Variants in DHX35 observed in about 807,000 individuals in gnomAD.
DHX35 encodes the protein probable ATP-dependent RNA helicase DHX35.
In DHX35, 84 loss-of-function variants were observed where a neutral mutation model predicts 99.6. The ratio of observed to expected loss-of-function variants is 0.84; its 90% CI spans 0.71 to 1.01. The LOEUF (loss-of-function observed/expected upper bound fraction) is 1.01, where lower values mean the gene tolerates loss of function less well. DHX35 is among the 50% of genes least tolerant of loss of function. DHX35 has a pLI of 0.00. For synonymous variants in DHX35, 331 were observed against 316.2 expected (o/e 1.05, Z -0.50); for missense variants, 852 against 888.5 (o/e 0.96, Z 0.52).
At chr20:38,970,616 T>G (rs1162763011) in intron 2 of DHX35, among the ~76,000 whole-genome samples, 1 of 152,208 alleles carries the variant, frequency 6.6e-6, no homozygotes, top group African/African-American at 2.4e-5. Context: ...ATTCTGAGCT[T>G]CTTTTCTTTA....
At chr20:38,975,470 A>G (rs553584369) in intron 3 of DHX35, among the ~76,000 whole-genome samples, 2 of 152,366 alleles carry the variant, frequency 1.3e-5, no homozygotes, top group South Asian at 4.1e-4. Flanking sequence ...TTAATCCTCA[A>G]TGACCCTATG....
intron 4 of DHX35, among the ~76,000 whole-genome samples, chr20:38,988,437 C>T (rs2086281902): frequency 6.6e-6 from 1 of 152,088 alleles, no homozygotes; most frequent in Non-Finnish European, 1.5e-5. Context: ...TAAGACCAGC[C>T]TGGCCAACAT....
At chr20:38,980,361 TCC>T (rs2086152528) in intron 3 of DHX35, among the ~76,000 whole-genome samples, 1 of 152,182 alleles carries the variant, frequency 6.6e-6, no homozygotes, top group Admixed American at 6.5e-5. Flanking sequence ...CCTCTTTGTT[TCC>T]TCATCTGTGT....
intron 14 of DHX35, among the ~76,000 whole-genome samples, chr20:39,015,858 T>C (rs1217813816): frequency 6.6e-6 from 1 of 152,194 alleles, no homozygotes; most frequent in Non-Finnish European, 1.5e-5. Context: ...TCTTTCCCCC[T>C]AGTCCCCCAG....
At chr20:38,981,225 T>C (rs961072505) in intron 3 of DHX35, among the ~76,000 whole-genome samples, 1 of 152,228 alleles carries the variant, frequency 6.6e-6, no homozygotes. Context: ...GCAAATAGTC[T>C]ACTTTTCTTC....
chr20:38,994,639 C>CCG (rs2086397230), intron 7 of DHX35, among the ~76,000 whole-genome samples, 182 bp from the exon 8 acceptor site: 1 of 132,352 alleles, frequency 7.6e-6, no homozygotes, highest in African/African-American at 2.7e-5. Flanking sequence ...TGACCCCCCC[C>CCG]CCCCTTTATT....
intron 13 of DHX35, among the ~76,000 whole-genome samples, chr20:39,014,197 G>T (rs2086746258): frequency 1.3e-5 from 2 of 152,190 alleles, no homozygotes; most frequent in Non-Finnish European, 2.9e-5. Flanking sequence ...TATTACCTGG[G>T]TTATTAGAAA....
At chr20:38,963,526 C>G (rs1601349844) in intron 1 of DHX35, among the ~76,000 whole-genome samples, 2 of 152,242 alleles carry the variant, frequency 1.3e-5, no homozygotes, top group South Asian at 4.1e-4. Context: ...ATTATCCATC[C>G]TGAGTTTTAT....
At chr20:39,029,711 G>A (rs145100380) in intron 19 of DHX35, 4 of 152,196 alleles carry the variant, frequency 2.6e-5, no homozygotes, top group Non-Finnish European at 5.9e-5. Context: ...TTTGACTAGC[G>A]TTTGGAAAAT....
At chr20:39,037,364 T>C (rs1462975215) in intron 21 of DHX35, among the ~76,000 whole-genome samples, 2 of 152,222 alleles carry the variant, frequency 1.3e-5, no homozygotes, top group Non-Finnish European at 2.9e-5. Flanking sequence ...AAAACCCTTT[T>C]AACGAGGCCT....
chr20:39,015,623 G>T (rs1252256302), intron 14 of DHX35, among the ~76,000 whole-genome samples: 1 of 152,054 alleles, frequency 6.6e-6, no homozygotes, highest in Non-Finnish European at 1.5e-5. Context: ...TTAAGTTTTA[G>T]TGGAGATTTT....
At chr20:39,019,425 T>C (rs991719216) in intron 15 of DHX35, among the ~76,000 whole-genome samples, 2 of 152,236 alleles carry the variant, frequency 1.3e-5, no homozygotes, top group Non-Finnish European at 2.9e-5. Flanking sequence ...ACAGACACTT[T>C]GGTTGCTTCT....
chr20:39,034,378 T>A, intron 21 of DHX35, 61 bp downstream of exon 21: 4 of 1,426,766 alleles, frequency 2.8e-6, no homozygotes, highest in Non-Finnish European at 3.9e-6. Flanking sequence ...TGTTTTTAAA[T>A]GTACTTTTTT....
chr20:39,021,920 C>G lies in DHX35; in HGVS notation c.1578C>G (p.Asn526Lys), dbSNP rs765239263. ...AGAATATCTTTGTGGTCCCCCCAAACCAGAAGTCTCACGCAGTAAGTCAGC... is the reference window on the plus strand; with the variant it reads ...AGAATATCTTTGTGGTCCCCCCAAAGCAGAAGTCTCACGCAGTAAGTCAGC... ...QIQNIFVVPP[N>K]QKSHAIRVHR... Residue 526 changes from asparagine to lysine, a missense_variant, in exon 16 of 22, where the codon AAC (asparagine) becomes AAG (lysine). Coordinates refer to ENST00000252011, the MANE Select transcript of DHX35 (RefSeq NM_021931.4). The G allele has an allele frequency of 3.1e-6, 5 of 1,614,142 alleles. No homozygotes were observed. The highest frequency in any genetic ancestry group is 4.2e-6 in the Non-Finnish European group (5 of 1,180,008).
chr20:39,030,026 C>T (rs185452159), intron 19 of DHX35: 1 of 149,840 alleles, frequency 6.7e-6, no homozygotes, highest in African/African-American at 2.5e-5. Context: ...GTTGCCCATG[C>T]TAGAGTGCAA....
chr20:38,962,522 G>A, intron 1 of DHX35, 115 bp downstream of exon 1: 1 of 1,330,236 alleles, frequency 7.5e-7, no homozygotes. Context: ...CGGCGAGCTG[G>A]GCGCTGCCGC....
At chr20:38,984,895 C>CT (rs552878621) in intron 4 of DHX35, among the ~76,000 whole-genome samples, 7,709 of 137,466 alleles carry the variant, frequency 0.056, 388 homozygotes, top group African/African-American at 0.14. Flanking sequence ...TATCATTCAG[C>CT]TTTTTTTTTT....
intron 17 of DHX35, 49 bp downstream of exon 17, chr20:39,023,816 G>T: frequency 6.7e-7 from 1 of 1,501,940 alleles, no homozygotes; most frequent in Non-Finnish European, 9.3e-7. Flanking sequence ...CCACCCTCTG[G>T]AGGTGATCTA....
intron 12 of DHX35, among the ~76,000 whole-genome samples, chr20:39,009,374 A>C (rs921357060): frequency 1.3e-5 from 2 of 150,698 alleles, no homozygotes; most frequent in African/African-American, 2.4e-5. Flanking sequence ...AACCTTTCTG[A>C]AGTTTTTCGG....
Sources: gnomAD v4.1 joint callset for allele counts (sites outside exome capture counted in the v4.1 genomes callset) on GRCh38, gnomAD v4.1.1 for gene constraint, MANE v1.5 for transcripts, NCBI Gene and HGNC (gene_info 2026-07-23, HGNC 2026-07-21) for gene names.